Variants in RIPOR2 observed in about 807,000 individuals in gnomAD.
The protein encoded by RIPOR2 is rho family-interacting cell polarization regulator 2.
Under a neutral mutation model 114.5 loss-of-function variants are expected in RIPOR2, and 39 were observed. The observed-to-expected ratio is 0.34, with a 90% confidence interval of 0.26 to 0.44. The LOEUF is 0.44. Ranked by LOEUF, RIPOR2 falls within the 20% of genes least tolerant of loss-of-function variation. The pLI, the probability that RIPOR2 is intolerant of heterozygous loss-of-function variation, is 1.00. For synonymous variants in RIPOR2, 445 were observed against 484.4 expected, an observed-to-expected ratio of 0.92 and a Z score of 1.07; for missense variants, 1,007 against 1,255.1, an observed-to-expected ratio of 0.80 and a Z score of 2.99.
chr6:24,950,022 ACCTAGTGTCAAAAACGTTGCAAAT>A (rs1238874666), intron 1 of RIPOR2, among the ~76,000 whole-genome samples: 1 of 152,186 alleles, frequency 6.6e-6, no homozygotes, highest in Non-Finnish European at 1.5e-5. Context: ...CCTAGAGATG[ACCTAGTGTCAAAAACGTTGCAAAT>A]GCAACCAGCT....
At chr6:24,969,952 G>T (rs966916093) in intron 1 of RIPOR2, among the ~76,000 whole-genome samples, 1 of 152,182 alleles carries the variant, frequency 6.6e-6, no homozygotes, top group Admixed American at 6.5e-5. Context: ...CTAGAACTGT[G>T]CTGCACATGG....
At chr6:24,857,051 T>C (rs1324083879) in intron 8 of RIPOR2, among the ~76,000 whole-genome samples, 10 of 152,226 alleles carry the variant, frequency 6.6e-5, no homozygotes, top group Non-Finnish European at 1.3e-4. Flanking sequence ...GATCCTCTGA[T>C]TGTAGCAATA....
chr6:25,013,624 T>G (rs1304679550), intron 1 of RIPOR2, among the ~76,000 whole-genome samples: 1 of 152,210 alleles, frequency 6.6e-6, no homozygotes. Context: ...CAACCAAACT[T>G]AACGGAAATG....
chr6:24,922,300 T>C (rs956551540), intron 1 of RIPOR2, among the ~76,000 whole-genome samples: 2 of 152,180 alleles, frequency 1.3e-5, no homozygotes, highest in Admixed American at 1.3e-4. Flanking sequence ...GACGCCCAGC[T>C]AGGAAGAAAT....
chr6:24,839,772 A>G, intron 13 of RIPOR2: 1 of 1,402,568 alleles, frequency 7.1e-7, no homozygotes, highest in Non-Finnish European at 9.2e-7. Context: ...TCAATGCTGA[A>G]TACTGACCAA....
At chr6:24,846,878 A>G (rs890222144) in intron 12 of RIPOR2, among the ~76,000 whole-genome samples, 18 of 152,330 alleles carry the variant, frequency 1.2e-4, no homozygotes, top group African/African-American at 4.3e-4. Flanking sequence ...ATAATAAACT[A>G]AGACTGAGAA....
chr6:24,987,415 C>G (rs1774577978), intron 1 of RIPOR2, among the ~76,000 whole-genome samples: 1 of 152,156 alleles, frequency 6.6e-6, no homozygotes, highest in South Asian at 2.1e-4. Flanking sequence ...CGGGTGGTGC[C>G]ATGTGGAAAA....
intron 1 of RIPOR2, among the ~76,000 whole-genome samples, chr6:25,020,536 T>C (rs1412676726): frequency 6.6e-6 from 1 of 152,260 alleles, no homozygotes; most frequent in African/African-American, 2.4e-5. Context: ...ATCTGCCATT[T>C]GTAATGAGAT....
At position 24,883,632 on chromosome 6, in the gene RIPOR2, A is replaced by G. The variant is rs532451961; in HGVS notation, c.62-7815T>C. ...GAATTGTACATCAATAAAGCTGTTT[A>G]AAAAAAATCACTACCAATTTCTAGA... On this transcript the variant is annotated intron_variant, in intron 1 of 21. Coordinates refer to ENST00000643898, the MANE Select transcript of RIPOR2 (RefSeq NM_001286445.3). The surrounding 1 kb of genome is among the most constrained non-coding windows in gnomAD (Gnocchi z 4.1). Among the ~76,000 whole-genome samples the G allele has an allele frequency of 6.6e-6, 1 of 152,232 alleles. No homozygotes were observed. Among genetic ancestry groups the G allele is most frequent in the African/African-American group, 2.4e-5 (1 of 41,550 alleles).
chr6:25,005,738 T>TATATAC lies in RIPOR2; in HGVS notation c.76+36112_76+36113insGTATAT, dbSNP rs34572978. On this transcript the variant is annotated intron_variant, in intron 1 of 13. Transcript: ENST00000510784. ...ATATATATATATATATATATATATA[T>TATATAC]ATACATTTACCGATCAAAAGATATG... 8.7e-3 allele frequency among the ~76,000 whole-genome samples: 616 copies of TATATAC among 70,676 alleles called. 88 individuals are homozygous for TATATAC. Among genetic ancestry groups the TATATAC allele is most frequent in the Non-Finnish European group, 0.015 (443 of 30,012 alleles). 46.4% of individuals were successfully genotyped at this position (70,676 alleles called of 152,430 possible).
chr6:24,907,646 A>G (rs1174362077), intron 1 of RIPOR2, among the ~76,000 whole-genome samples: 1 of 152,220 alleles, frequency 6.6e-6, no homozygotes, highest in African/African-American at 2.4e-5. Flanking sequence ...CACTGGAGAT[A>G]CATGATGCAT....
intron 13 of RIPOR2, among the ~76,000 whole-genome samples, chr6:24,840,995 G>A (rs1173279646): frequency 6.6e-6 from 1 of 152,162 alleles, no homozygotes; most frequent in Non-Finnish European, 1.5e-5. Flanking sequence ...CAGTACAGAT[G>A]TGTTTAAATA....
intron 1 of RIPOR2, among the ~76,000 whole-genome samples, chr6:24,895,456 T>C (rs199507069): frequency 3.2e-4 from 49 of 151,452 alleles, no homozygotes; most frequent in African/African-American, 1.1e-3. Context: ...AAAAAAATCT[T>C]CTAGGGTTTA....
chr6:24,849,092 A>C (rs1762598550), intron 11 of RIPOR2, among the ~76,000 whole-genome samples: 1 of 152,152 alleles, frequency 6.6e-6, no homozygotes, highest in Non-Finnish European at 1.5e-5. Flanking sequence ...TTTAGTAAAG[A>C]TGGGGTTTCA....
At chr6:24,857,554 T>C (rs1400331979) in intron 8 of RIPOR2, among the ~76,000 whole-genome samples, 1 of 152,166 alleles carries the variant, frequency 6.6e-6, no homozygotes, top group Non-Finnish European at 1.5e-5. Flanking sequence ...ACATCATTTT[T>C]CCCAGTTCTA....
intron 20 of RIPOR2, among the ~76,000 whole-genome samples, chr6:24,810,396 A>T (rs1438310205): frequency 3.9e-5 from 6 of 152,194 alleles, no homozygotes; most frequent in Non-Finnish European, 7.4e-5. Flanking sequence ...AATCTCACTG[A>T]TTCCAAAATG....
intron 1 of RIPOR2, chr6:24,948,317 A>T (rs1407995240): frequency 6.6e-6 from 1 of 152,230 alleles, no homozygotes; most frequent in Non-Finnish European, 1.5e-5. Context: ...TCCGTATATT[A>T]ATCTCATCCG....
At chr6:24,940,938 G>A (rs2031469162), upstream of RIPOR2, among the ~76,000 whole-genome samples, 1 of 152,204 alleles carries the variant, frequency 6.6e-6, no homozygotes, top group Non-Finnish European at 1.5e-5. Flanking sequence ...ACAGGCGTGA[G>A]CCACTGCGCC....
intron 1 of RIPOR2, among the ~76,000 whole-genome samples, chr6:24,989,649 G>T (rs939360802): frequency 1.3e-5 from 2 of 152,080 alleles, no homozygotes; most frequent in African/African-American, 4.8e-5. Flanking sequence ...ATCACATATT[G>T]ATTGATTTTA....
Sources: allele counts gnomAD v4.1 joint callset (sites outside exome capture counted in the v4.1 genomes callset), GRCh38; gene constraint gnomAD v4.1.1; non-coding constraint Gnocchi (gnomAD v3.1); transcripts MANE v1.5; gene names NCBI Gene and HGNC (gene_info 2026-07-23, HGNC 2026-07-21).